Variants in DOK6 observed in about 807,000 individuals in gnomAD.
DOK6 encodes the protein docking protein 6, also known as downstream of tyrosine kinase 6.
DOK6 carries 22 observed loss-of-function variants against 44.0 expected under a neutral mutation model. The ratio of observed to expected loss-of-function variants is 0.50; its 90% CI spans 0.36 to 0.71. The LOEUF (loss-of-function observed/expected upper bound fraction) is 0.71. Among genes scored for constraint, DOK6 ranks in the 30% least tolerant of loss-of-function variants. The pLI, the probability that DOK6 is intolerant of heterozygous loss-of-function variation, is 0.00. For synonymous variants in DOK6, 166 were observed against 145.5 expected (o/e 1.14, Z -1.01); for missense variants, 340 against 416.4 (o/e 0.82, Z 1.60).
At chr18:69,482,386 G>A (rs1980452310) in intron 1 of DOK6, among the ~76,000 whole-genome samples, 1 of 152,138 alleles carries the variant, frequency 6.6e-6, no homozygotes, top group East Asian at 1.9e-4. Context: ...AAAATTATCA[G>A]AAAACTAGAG....
intron 6 of DOK6, among the ~76,000 whole-genome samples, chr18:69,752,731 A>G (rs1437691167): frequency 6.6e-6 from 1 of 152,152 alleles, no homozygotes; most frequent in African/African-American, 2.4e-5. Flanking sequence ...AAAACACAAA[A>G]AACTCCTGAG....
intron 1 of DOK6, among the ~76,000 whole-genome samples, chr18:69,414,144 A>G (rs1467527483): frequency 6.6e-6 from 1 of 152,072 alleles, no homozygotes; most frequent in Non-Finnish European, 1.5e-5. Flanking sequence ...ACTGGCGGGA[A>G]TATAAAATGG....
At chr18:69,638,723 T>TC (rs751877046) in intron 3 of DOK6, among the ~76,000 whole-genome samples, 95 of 152,322 alleles carry the variant, frequency 6.2e-4, no homozygotes, top group Middle Eastern at 6.8e-3. Context: ...CATTTGCGGT[T>TC]CTTCAATGGG....
intron 6 of DOK6, among the ~76,000 whole-genome samples, chr18:69,750,432 A>G (rs763421570): frequency 2.0e-5 from 3 of 152,224 alleles, no homozygotes; most frequent in Non-Finnish European, 2.9e-5. Context: ...ATGAGCAGAC[A>G]TTTTTCAAAA....
Position 69,814,551 on chromosome 18 carries a change from C to G in DOK6, c.857-26693C>G, listed in dbSNP as rs149373485. Among the ~76,000 whole-genome samples, 387 of 152,148 alleles carry G rather than the reference C, an allele frequency of 2.5e-3. 2 individuals are homozygous for G. Among genetic ancestry groups the G allele is most frequent in the African/African-American group, 8.3e-3 (343 of 41,516 alleles). ...TCTCACACTGCTATAAAGAACTATC[C>G]GAGACTGGATAATTTATGAAGAAAA... On this transcript the variant is annotated intron_variant, in intron 7 of 7. Transcript: ENST00000382713.
At chr18:69,799,496 T>G (rs1980841830) in intron 7 of DOK6, among the ~76,000 whole-genome samples, 1 of 152,060 alleles carries the variant, frequency 6.6e-6, no homozygotes, top group African/African-American at 2.4e-5. Context: ...CATAAAATGT[T>G]TCTTCATTAA....
At chr18:69,442,152 C>A (rs1958333569) in intron 1 of DOK6, among the ~76,000 whole-genome samples, 1 of 144,768 alleles carries the variant, frequency 6.9e-6, no homozygotes, top group African/African-American at 2.4e-5. Context: ...TTGCTTAATT[C>A]TCTCTTCTAA....
chr18:69,669,497 T>C (rs1985742149), intron 3 of DOK6, among the ~76,000 whole-genome samples: 1 of 152,226 alleles, frequency 6.6e-6, no homozygotes. Flanking sequence ...GACTTGCTCC[T>C]CTAAACCCAA....
intron 5 of DOK6, among the ~76,000 whole-genome samples, chr18:69,731,096 C>T (rs1040860597): frequency 6.7e-6 from 1 of 148,698 alleles, no homozygotes; most frequent in Non-Finnish European, 1.5e-5. Flanking sequence ...ATAATCCCAA[C>T]TAAAAAAAAT....
intron 7 of DOK6, among the ~76,000 whole-genome samples, chr18:69,808,387 C>A (rs1173316909): frequency 6.6e-6 from 1 of 151,494 alleles, no homozygotes; most frequent in African/African-American, 2.4e-5. Context: ...ACAAAAAGAA[C>A]AACAAAATAA....
chr18:69,724,821 A>G (rs1423868046), intron 5 of DOK6: 1 of 152,244 alleles, frequency 6.6e-6, no homozygotes, highest in Non-Finnish European at 1.5e-5. Context: ...TGAGGCACTT[A>G]GACCAGCTCT....
At chr18:69,673,299 C>T (rs1401556708) in intron 3 of DOK6, among the ~76,000 whole-genome samples, 1 of 152,044 alleles carries the variant, frequency 6.6e-6, no homozygotes, top group African/African-American at 2.4e-5. Context: ...GATCATTTAA[C>T]TTTAATGTCA....
In DOK6 at chr18:69,578,398, A is replaced by C. The variant is rs191261531; in HGVS notation, c.174+13804A>C. 2.5e-3 allele frequency among the ~76,000 whole-genome samples: 384 copies of C among 152,336 alleles called. 2 individuals are homozygous for C. Among genetic ancestry groups the C allele is most frequent in the African/African-American group, 8.6e-3 (357 of 41,566 alleles). On this transcript the variant is annotated intron_variant, in intron 2 of 7. Transcript: ENST00000382713. ...TGTGTAAAAGTCATTTCTGCCTTAG[A>C]GTTTGCATTTTTGAAATTAAGAAAA...
Position 69,841,420 on chromosome 18 carries a change from G to A in DOK6, c.*37G>A. The stretch of plus-strand genomic sequence containing the variant: ...CCGCTGTTGACTAGAGAGACAGTCT[G>A]TCCTGGACCCGTCTGTGGGGTCATT... On this transcript the variant is annotated 3_prime_UTR_variant, in exon 8 of 8. Coordinates refer to ENST00000382713, the MANE Select transcript of DOK6 (RefSeq NM_152721.6). The A allele has an allele frequency of 6.2e-7, 1 of 1,612,532 alleles. No individual in the cohort carries two copies. The highest frequency in any genetic ancestry group is 1.1e-5 in the South Asian group (1 of 91,048).
chr18:69,779,598 T>G (rs1216072999), intron 7 of DOK6, among the ~76,000 whole-genome samples: 1 of 152,152 alleles, frequency 6.6e-6, no homozygotes, highest in Non-Finnish European at 1.5e-5. Context: ...CCCAAGTTAC[T>G]ACTCTTTTGA....
intron 7 of DOK6, among the ~76,000 whole-genome samples, chr18:69,773,671 C>T (rs905580170): frequency 6.6e-6 from 1 of 151,978 alleles, no homozygotes; most frequent in South Asian, 2.1e-4. Context: ...AATGTGCTTA[C>T]CAGGAGCTGG....
In DOK6 at chr18:69,528,779, T is replaced by C. The variant is rs937086605; in HGVS notation, c.67-35708T>C. 8.5e-5 allele frequency among the ~76,000 whole-genome samples: 13 copies of C among 152,246 alleles called. No individual in the cohort carries two copies. The East Asian group carries it at 2.3e-3, about 27-fold the overall frequency. On this transcript the variant is annotated intron_variant, in intron 1 of 7. Transcript: ENST00000382713. ...ATGTAATATTACTCAACATCTATCTTGGTTCGAAACTATTTAAACAGCATC... is the reference window on the plus strand; with the variant it reads ...ATGTAATATTACTCAACATCTATCTCGGTTCGAAACTATTTAAACAGCATC...
intron 7 of DOK6, among the ~76,000 whole-genome samples, chr18:69,802,148 A>G (rs928530691): frequency 2.0e-5 from 3 of 152,162 alleles, no homozygotes; most frequent in Non-Finnish European, 4.4e-5. Flanking sequence ...TATATGTTTA[A>G]CGGTGCAATC....
chr18:69,572,230 T>C (rs1161816089), intron 2 of DOK6, among the ~76,000 whole-genome samples: 2 of 152,056 alleles, frequency 1.3e-5, no homozygotes, highest in Non-Finnish European at 2.9e-5. Flanking sequence ...AAATTTTGGA[T>C]ATGGTGTGTA....
Sources: allele counts gnomAD v4.1 joint callset (sites outside exome capture counted in the v4.1 genomes callset), GRCh38; gene constraint gnomAD v4.1.1; transcripts MANE v1.5; gene names NCBI Gene and HGNC (gene_info 2026-07-23, HGNC 2026-07-21).